The following KIAA0319 variants were observed in gnomAD, a reference collection of about 807,000 sequenced individuals.
The protein encoded by KIAA0319 is KIAA0319.
A neutral mutation model predicts 108.4 loss-of-function variants in KIAA0319; 83 were observed. That is an observed-to-expected ratio of 0.77 (90% CI 0.64 to 0.92). KIAA0319 has a LOEUF of 0.92. Among genes scored for constraint, KIAA0319 ranks in the 40% least tolerant of loss-of-function variants. The probability of loss-of-function intolerance (pLI) is 0.00; values close to 1 mark genes in which losing one functional copy is unlikely to be tolerated. For missense variants in KIAA0319, 1,195 were observed against 1,322.4 expected (o/e 0.90, Z 1.49); for synonymous variants, 484 against 510.4 (o/e 0.95, Z 0.70).
chr6:24,587,187 T>C (rs1309404972), intron 4 of KIAA0319, among the ~76,000 whole-genome samples: 1 of 152,202 alleles, frequency 6.6e-6, no homozygotes, highest in Non-Finnish European at 1.5e-5. Context: ...CTCCTAAATC[T>C]GGTTCCTTCC....
Position 24,624,540 on chromosome 6 carries a change from A to C in KIAA0319, c.-106+21196T>G, listed in dbSNP as rs1272866604. 2.0e-5 allele frequency among the ~76,000 whole-genome samples: 3 copies of C among 152,324 alleles called. No individual in the cohort carries two copies. In the East Asian group the frequency reaches 5.8e-4, roughly 29 times the overall value. On this transcript the variant is annotated intron_variant, in intron 1 of 20. Transcript: ENST00000378214. ...ATAAGAAACAATAGCAGCTAAGTGT[A>C]ATGCAGAAGAAGGAAAACATTGAGG...
In KIAA0319 at chr6:24,569,921, T is replaced by C. The variant is rs769570173; in HGVS notation, c.1973A>G (p.Tyr658Cys). 8.1e-6 allele frequency: 13 copies of C among 1,614,132 alleles called. No homozygotes were observed. The highest frequency in any genetic ancestry group is 9.3e-6 in the Non-Finnish European group (11 of 1,179,974). Residue 658 changes from tyrosine (Y) to cysteine (C), a missense_variant, in exon 12 of 21, where the codon TAC becomes TGC. By Grantham distance (194) the Tyr-to-Cys change is radical (BLOSUM62 -2). Coordinates refer to ENST00000378214, the MANE Select transcript of KIAA0319 (RefSeq NM_014809.4). ...AGACTACCTGACGTGCTCCCAGTGG[T>C]AGAAGACAATGCCGTGGTCATCGCT... Reference protein sequence around the residue: ...SSSDDHGIVFYHWEHVRGPSA... With the variant: ...SSSDDHGIVFCHWEHVRGPSA...
chr6:24,582,433 C>T, intron 5 of KIAA0319, 87 bp from the exon 6 acceptor site: 1 of 771,904 alleles, frequency 1.3e-6, no homozygotes, highest in Non-Finnish European at 2.3e-6. Context: ...AGCCTTTAAA[C>T]CACCAGTGCA....
At chr6:24,540,650 C>CTTT (rs1554138911), downstream of KIAA0319, among the ~76,000 whole-genome samples, 1 of 146,704 alleles carries the variant, frequency 6.8e-6, no homozygotes, top group Non-Finnish European at 1.5e-5. Context: ...GACTTTGTTT[C>CTTT]TTTTTTTTTT....
At chr6:24,549,942 A>G (rs920403432) in intron 20 of KIAA0319, among the ~76,000 whole-genome samples, 4 of 152,156 alleles carry the variant, frequency 2.6e-5, no homozygotes, top group African/African-American at 9.7e-5. Flanking sequence ...GGGTTCTATG[A>G]ATAGAAACAG....
At chr6:24,580,093 C>T in intron 7 of KIAA0319, 143 bp from the exon 8 acceptor site, 2 of 603,092 alleles carry the variant, frequency 3.3e-6, no homozygotes, top group East Asian at 6.1e-5. Context: ...CTATGGAGAG[C>T]ACTTTTTAAA....
At chr6:24,600,960 G>T in intron 2 of KIAA0319, 89 bp downstream of exon 2, 1 of 1,527,710 alleles carries the variant, frequency 6.5e-7, no homozygotes, top group Non-Finnish European at 9.1e-7. Context: ...CAAACCAACA[G>T]CGTCTTCACC....
intron 1 of KIAA0319, among the ~76,000 whole-genome samples, chr6:24,642,569 C>T (rs529321252): frequency 1.0e-3 from 156 of 152,216 alleles, no homozygotes; most frequent in African/African-American, 3.6e-3. Context: ...TGGGTGGCAA[C>T]GCTGGAGTTA....
At chr6:24,589,729 A>G in intron 3 of KIAA0319, among the ~76,000 whole-genome samples, 1 of 152,256 alleles carries the variant, frequency 6.6e-6, no homozygotes, top group East Asian at 1.9e-4. Flanking sequence ...CAATGTAAGA[A>G]TGGACTACTA....
chr6:24,622,115 G>A (rs1224650089), intron 1 of KIAA0319, among the ~76,000 whole-genome samples: 3 of 152,026 alleles, frequency 2.0e-5, no homozygotes, highest in Non-Finnish European at 4.4e-5. Context: ...CCTTCCAGTG[G>A]CTGCCTGGGG....
chr6:24,610,583 T>C (rs1309081586), intron 1 of KIAA0319, among the ~76,000 whole-genome samples: 4 of 152,164 alleles, frequency 2.6e-5, no homozygotes, highest in Non-Finnish European at 5.9e-5. Context: ...ATGTATATAC[T>C]CAAGAGAAAT....
At position 24,545,422 on chromosome 6, in the gene KIAA0319, T is replaced by C. The variant is rs1760509795; in HGVS notation, c.*1743A>G. 6.6e-6 allele frequency: 1 copy of C among 152,170 alleles called. No homozygotes were observed. The highest frequency in any genetic ancestry group is 6.5e-5 in the Admixed American group (1 of 15,274). 9.4% of individuals were successfully genotyped at this position (152,170 alleles called of 1,614,324 possible). Reference sequence around the variant, plus strand: ...CCTCATTACGCCCGATGACTTTACATTTGGGCTGCTGTCCCCTATGCCAGA... The same window carrying C: ...CCTCATTACGCCCGATGACTTTACACTTGGGCTGCTGTCCCCTATGCCAGA... On this transcript the variant is annotated 3_prime_UTR_variant, in exon 21 of 21. Transcript: ENST00000378214.
chr6:24,560,500 T>C (rs1246831372), intron 16 of KIAA0319, among the ~76,000 whole-genome samples: 2 of 152,204 alleles, frequency 1.3e-5, no homozygotes, highest in Non-Finnish European at 2.9e-5. Flanking sequence ...TATATCTTCT[T>C]TGGAGAAATA....
intron 20 of KIAA0319, 57 bp from the exon 21 acceptor site, chr6:24,547,400 C>CA: frequency 1.3e-6 from 2 of 1,499,750 alleles, no homozygotes; most frequent in Non-Finnish European, 1.8e-6. Context: ...TTCCAGCTGT[C>CA]AGTCGTTGTG....
chr6:24,555,564 TC>T (rs1425781047), intron 18 of KIAA0319, among the ~76,000 whole-genome samples: 3 of 151,142 alleles, frequency 2.0e-5, no homozygotes, highest in African/African-American at 7.3e-5. Flanking sequence ...GGAATAATGA[TC>T]CAAGGGCTGG....
rs1777572873 is a variant in KIAA0319 at position 24,646,012 on chromosome 6, T to C, written c.-382A>G. ...AATCTGGACCAAGCCCAAGACAGGCTGAAGCTACTGCTGCGCTCTCACCTC... is the reference window on the plus strand; with the variant it reads ...AATCTGGACCAAGCCCAAGACAGGCCGAAGCTACTGCTGCGCTCTCACCTC... On this transcript the variant is annotated 5_prime_UTR_variant, in exon 1 of 21. Transcript: ENST00000378214. The C allele has an allele frequency of 6.6e-6, 1 of 152,402 alleles. No homozygotes were observed. The highest frequency in any genetic ancestry group is 2.1e-4 in the South Asian group (1 of 4,832). The allele number at this position is 152,402 out of a possible 1,614,324, so 9.4% of individuals were successfully genotyped here.
At chr6:24,595,476 G>A (rs1478103482) in intron 3 of KIAA0319, among the ~76,000 whole-genome samples, 2 of 149,634 alleles carry the variant, frequency 1.3e-5, no homozygotes, top group Non-Finnish European at 3.0e-5. Flanking sequence ...GAACCCAGGA[G>A]GTGGAGCTTG....
intron 1 of KIAA0319, among the ~76,000 whole-genome samples, chr6:24,644,893 A>G (rs538701300): frequency 6.6e-6 from 1 of 152,222 alleles, no homozygotes; most frequent in Non-Finnish European, 1.5e-5. Context: ...CTACGTCTAT[A>G]ACTGAACTGA....
At chr6:24,615,694 C>A (rs1035792553) in intron 1 of KIAA0319, among the ~76,000 whole-genome samples, 19 of 152,212 alleles carry the variant, frequency 1.2e-4, no homozygotes, top group African/African-American at 4.6e-4. Context: ...ATATAACCAC[C>A]TTTAACACTT....
Sources: gnomAD v4.1 joint callset for allele counts (sites outside exome capture counted in the v4.1 genomes callset) on GRCh38, gnomAD v4.1.1 for gene constraint, MANE v1.5 for transcripts, NCBI Gene and HGNC (gene_info 2026-07-23, HGNC 2026-07-21) for gene names.